TENM3: variants seen among roughly 807,000 people sequenced by gnomAD.
The protein encoded by TENM3 is teneurin transmembrane protein 3, also known as teneurin-3.
Under a neutral mutation model 255.1 loss-of-function variants are expected in TENM3, and 63 were observed. The ratio of observed to expected loss-of-function variants is 0.25; its 90% CI spans 0.20 to 0.30. TENM3 has a LOEUF of 0.30. Among genes scored for constraint, TENM3 ranks in the 10% least tolerant of loss-of-function variants. The pLI is 1.00. For synonymous variants in TENM3, 1,306 were observed against 1,322.3 expected, an observed-to-expected ratio of 0.99 and a Z score of 0.27; for missense variants, 2,929 against 3,461.1, an observed-to-expected ratio of 0.85 and a Z score of 3.86.
At chr4:182,281,999 G>A (rs1760417260) in intron 1 of TENM3, among the ~76,000 whole-genome samples, 1 of 152,144 alleles carries the variant, frequency 6.6e-6, no homozygotes, top group Non-Finnish European at 1.5e-5. Flanking sequence ...GCCTCCCAAT[G>A]TGCTGAGATT....
At chr4:182,481,369 G>C (rs1734182586) in intron 3 of TENM3, among the ~76,000 whole-genome samples, 1 of 152,102 alleles carries the variant, frequency 6.6e-6, no homozygotes, top group Non-Finnish European at 1.5e-5. Flanking sequence ...AAATTCTTAT[G>C]AAATAAGTAT....
At chr4:182,218,409 A>C (rs968152963) in intron 1 of TENM3, among the ~76,000 whole-genome samples, 1 of 152,230 alleles carries the variant, frequency 6.6e-6, no homozygotes, top group African/African-American at 2.4e-5. Flanking sequence ...TAATTTCATG[A>C]TAACTTCCTG....
At chr4:181,496,700 T>A in the TENM3 span, among the ~76,000 whole-genome samples, 29 of 152,304 alleles carry the variant, frequency 1.9e-4, no homozygotes, top group African/African-American at 6.3e-4. Flanking sequence ...GCCAAATGAA[T>A]TCATTAAGAC....
the TENM3 span, among the ~76,000 whole-genome samples, chr4:181,639,517 A>T: frequency 6.6e-6 from 1 of 152,120 alleles, no homozygotes; most frequent in Non-Finnish European, 1.5e-5. Context: ...AGGCGGGTGG[A>T]TCACCTGAGG....
At chr4:182,113,607 G>A in the TENM3 span, among the ~76,000 whole-genome samples, 12 of 152,112 alleles carry the variant, frequency 7.9e-5, no homozygotes, top group African/African-American at 2.2e-4. Context: ...TAAAATATAC[G>A]CCCACCATGC....
rs1172076725 is a variant in TENM3, at chr4:182,789,407, G to A, written c.5601+18G>A. ...TAGAAAAGGTATGCCTGCAAACTAA[G>A]CTCAACAATAGGGAAAGGATAATTC... On this transcript the variant is annotated intron_variant, in intron 25 of 27. Transcript: ENST00000511685. The surrounding 1 kb of genome is among the most constrained non-coding windows in gnomAD (Gnocchi z 4.4). 6 of 1,600,976 alleles carry A rather than the reference G, an allele frequency of 3.7e-6. No individual in the cohort carries two copies. In the African/African-American group the frequency reaches 8.0e-5, roughly 21 times the overall value.
At position 182,283,155 on chromosome 4, in the gene TENM3, G is replaced by A. The variant is rs554801542; in HGVS notation, c.-76+39679G>A. ...ACTTCAACGTAAATAATAGTAATCTGCTCCTTTTTCCTTTTAAACGTTTAT... is the reference window on the plus strand; with the variant it reads ...ACTTCAACGTAAATAATAGTAATCTACTCCTTTTTCCTTTTAAACGTTTAT... On this transcript the variant is annotated intron_variant, in intron 1 of 27. Transcript: ENST00000511685. Among the ~76,000 whole-genome samples, 17 of 152,162 alleles carry A rather than the reference G, an allele frequency of 1.1e-4. 1 individual carries two copies. The South Asian group carries it at 3.5e-3, about 32-fold the overall frequency.
chr4:182,321,198 T>C (rs1763027382), intron 1 of TENM3, among the ~76,000 whole-genome samples: 1 of 152,212 alleles, frequency 6.6e-6, no homozygotes, highest in African/African-American at 2.4e-5. Context: ...TTATTCACTC[T>C]GTCAGAAAGA....
At chr4:182,100,534 CAT>C in the TENM3 span, among the ~76,000 whole-genome samples, 146 of 131,192 alleles carry the variant, frequency 1.1e-3, no homozygotes, top group Admixed American at 2.0e-3. Context: ...TATATACACA[CAT>C]ATATATATAC....
At chr4:182,238,290 T>G (rs1403438146) in intron 1 of TENM3, among the ~76,000 whole-genome samples, 2 of 152,234 alleles carry the variant, frequency 1.3e-5, no homozygotes, top group Non-Finnish European at 2.9e-5. Context: ...AACTGAGTCA[T>G]GGAGGAAGAG....
At chr4:181,545,082 A>G in the TENM3 span, among the ~76,000 whole-genome samples, 636 of 152,324 alleles carry the variant, frequency 4.2e-3, 4 homozygotes, top group African/African-American at 0.013. Flanking sequence ...CTTCAAGTAC[A>G]TCAGTGACAC....
intron 3 of TENM3, among the ~76,000 whole-genome samples, chr4:182,486,313 T>TGGGGGGG (rs1365628121): frequency 8.3e-5 from 1 of 12,116 alleles, no homozygotes; most frequent in South Asian, 2.2e-3. Context: ...TTTAATTGTG[T>TGGGGGGG]GTGGGGGGGA....
chr4:181,484,561 A>G, the TENM3 span, among the ~76,000 whole-genome samples: 2 of 152,200 alleles, frequency 1.3e-5, no homozygotes, highest in African/African-American at 4.8e-5. Flanking sequence ...ACTGCATAGT[A>G]ATTAGGGCTT....
At chr4:182,428,502 T>G (rs1424094856) in intron 3 of TENM3, among the ~76,000 whole-genome samples, 10 of 151,644 alleles carry the variant, frequency 6.6e-5, no homozygotes, top group Non-Finnish European at 5.9e-5. Context: ...TGATGAGTCT[T>G]TATCTAGTAT....
At chr4:181,641,682 AATAT>A in the TENM3 span, among the ~76,000 whole-genome samples, 4 of 76,852 alleles carry the variant, frequency 5.2e-5, no homozygotes, top group Admixed American at 3.7e-4. Flanking sequence ...ATATATATAA[AATAT>A]ATATAATGTA....
the TENM3 span, among the ~76,000 whole-genome samples, chr4:181,517,214 C>G: frequency 1.3e-5 from 2 of 152,130 alleles, no homozygotes; most frequent in South Asian, 4.2e-4. Context: ...GTTCTAGAAG[C>G]AGATGATGAG....
chr4:182,066,863 A>G, the TENM3 span, among the ~76,000 whole-genome samples: 18 of 152,278 alleles, frequency 1.2e-4, no homozygotes, highest in East Asian at 2.1e-3. Context: ...GTGAGCCGAG[A>G]TCGCACCGCT....
At chr4:182,529,491 T>G (rs1739559959) in intron 3 of TENM3, among the ~76,000 whole-genome samples, 1 of 152,174 alleles carries the variant, frequency 6.6e-6, no homozygotes, top group Non-Finnish European at 1.5e-5. Flanking sequence ...AGTGTTTGTC[T>G]AGGGTTGTGA....
At chr4:182,709,629 T>C (rs544151651) in intron 12 of TENM3, among the ~76,000 whole-genome samples, 1 of 152,320 alleles carries the variant, frequency 6.6e-6, no homozygotes, top group East Asian at 1.9e-4. Context: ...GAACCTCATA[T>C]ATTGACATCT....
Sources: gnomAD v4.1 joint callset for allele counts (sites outside exome capture counted in the v4.1 genomes callset) on GRCh38, gnomAD v4.1.1 for gene constraint, Gnocchi (gnomAD v3.1) non-coding constraint, MANE v1.5 for transcripts, NCBI Gene and HGNC (gene_info 2026-07-23, HGNC 2026-07-21) for gene names.